ACER3: variants seen among roughly 807,000 people sequenced by gnomAD.
The protein encoded by ACER3 is alkaline ceramidase 3.
A neutral mutation model predicts 48.9 loss-of-function variants in ACER3; 16 were observed. The observed-to-expected ratio is 0.33, with a 90% confidence interval of 0.22 to 0.50. ACER3 has a LOEUF of 0.50. Ranked by LOEUF, ACER3 falls within the 20% of genes least tolerant of loss-of-function variation. ACER3 has a pLI of 0.98. For missense variants in ACER3, 227 were observed against 326.0 expected (o/e 0.70, Z 2.34); for synonymous variants, 109 against 107.8 (o/e 1.01, Z -0.07).
intron 7 of ACER3, among the ~76,000 whole-genome samples, chr11:77,014,444 A>G (rs1300573270): frequency 6.6e-6 from 1 of 152,230 alleles, no homozygotes; most frequent in East Asian, 1.9e-4. Flanking sequence ...AATGCTTACA[A>G]CAATGCCTGG....
rs61767069 is a variant in ACER3 at position 77,024,272 on chromosome 11, C to CAAAAAAAAAAAAAAAAAAAAAAAAAAAAA, written c.*3946_*3974dup. ...TGGGCAACAGAGTGAGACCCTGTCT[C>CAAAAAAAAAAAAAAAAAAAAAAAAAAAAA]AAAAAAAAAAAAAAAAAAAAAAAAA... is the stretch of plus-strand genomic sequence containing the variant. On this transcript the variant is annotated 3_prime_UTR_variant, in exon 11 of 11. Coordinates refer to ENST00000532485, the MANE Select transcript of ACER3 (RefSeq NM_018367.7). 2 of 53,902 alleles carry CAAAAAAAAAAAAAAAAAAAAAAAAAAAAA rather than the reference C, an allele frequency of 3.7e-5. 1 individual carries two copies. 3.3% of individuals were successfully genotyped at this position (53,902 alleles called of 1,614,324 possible).
At chr11:76,943,708 A>G (rs2134937128) in intron 2 of ACER3, among the ~76,000 whole-genome samples, 1 of 150,876 alleles carries the variant, frequency 6.6e-6, no homozygotes. Context: ...TGCTAATTTT[A>G]TCTTGATGAT....
intron 3 of ACER3, among the ~76,000 whole-genome samples, chr11:76,967,167 A>C (rs923941819): frequency 8.5e-5 from 13 of 152,196 alleles, no homozygotes; most frequent in African/African-American, 3.1e-4. Context: ...CCATCAGAGA[A>C]TACTATAAAC....
intron 3 of ACER3, among the ~76,000 whole-genome samples, chr11:76,975,578 A>G (rs1398051572): frequency 6.6e-6 from 1 of 152,184 alleles, no homozygotes; most frequent in African/African-American, 2.4e-5. Flanking sequence ...GGAAGGATGG[A>G]AATGCAAAAG....
intron 1 of ACER3, among the ~76,000 whole-genome samples, chr11:76,919,276 C>T (rs1032799202): frequency 6.6e-6 from 1 of 152,166 alleles, no homozygotes. Flanking sequence ...ACACTGGCTC[C>T]ACCTACTGTC....
intron 6 of ACER3, chr11:76,998,444 C>CTAAAGAGAAGAGAGGAGA: frequency 2.8e-5 from 8 of 289,746 alleles, no homozygotes; most frequent in South Asian, 1.6e-4. Flanking sequence ...AAGAGAGGAG[C>CTAAAGAGAAGAGAGGAGA]TAAAGATTAT....
intron 1 of ACER3, among the ~76,000 whole-genome samples, chr11:76,865,277 G>T (rs1945049304): frequency 6.6e-6 from 1 of 151,786 alleles, no homozygotes; most frequent in Non-Finnish European, 1.5e-5. Flanking sequence ...GAGCCACCAT[G>T]CCCAGCCGGG....
chr11:76,968,059 A>G (rs1234070735), intron 3 of ACER3, among the ~76,000 whole-genome samples: 2 of 152,216 alleles, frequency 1.3e-5, no homozygotes, highest in Non-Finnish European at 2.9e-5. Context: ...TCTCAGCCCA[A>G]AATCTCCTTA....
intron 1 of ACER3, among the ~76,000 whole-genome samples, chr11:76,873,540 C>T (rs1293331569): frequency 1.3e-5 from 2 of 152,078 alleles, no homozygotes; most frequent in Non-Finnish European, 1.5e-5. Context: ...ATTTCAGAAA[C>T]AATTTTCATC....
At chr11:77,000,006 A>G (rs1238399543) in intron 7 of ACER3, among the ~76,000 whole-genome samples, 1 of 152,164 alleles carries the variant, frequency 6.6e-6, no homozygotes. Context: ...GTAGTAATTT[A>G]TGTTTAGTTT....
intron 2 of ACER3, among the ~76,000 whole-genome samples, chr11:76,935,735 C>T (rs1947160484): frequency 6.6e-6 from 1 of 152,212 alleles, no homozygotes. Flanking sequence ...TCTACTATTA[C>T]TGCACTGTTC....
In ACER3 at chr11:76,877,448, A is replaced by G. The variant is rs539171960; in HGVS notation, c.103+16369A>G. Among the ~76,000 whole-genome samples, 4 of 152,286 alleles carry G rather than the reference A, an allele frequency of 2.6e-5. No homozygotes were observed. The East Asian group carries it at 7.7e-4, about 29-fold the overall frequency. On this transcript the variant is annotated intron_variant, in intron 1 of 10. Coordinates refer to ENST00000532485, the MANE Select transcript of ACER3 (RefSeq NM_018367.7). ...ATGATAAGGAGAGATTCTAGATAAG[A>G]TACTTTTCCTGAAATGAAACATTAT...
At chr11:76,968,405 C>T (rs1948197328) in intron 3 of ACER3, among the ~76,000 whole-genome samples, 1 of 152,178 alleles carries the variant, frequency 6.6e-6, no homozygotes, top group South Asian at 2.1e-4. Context: ...CCCCATCAAG[C>T]TACCAATGAC....
At chr11:76,884,386 C>G (rs191658951) in intron 1 of ACER3, among the ~76,000 whole-genome samples, 1 of 152,248 alleles carries the variant, frequency 6.6e-6, no homozygotes, top group African/African-American at 2.4e-5. Flanking sequence ...AGCATTTGCC[C>G]TCTTTTATGC....
At chr11:76,980,541 A>G (rs1028495468) in intron 4 of ACER3, among the ~76,000 whole-genome samples, 5 of 152,056 alleles carry the variant, frequency 3.3e-5, no homozygotes, top group African/African-American at 1.2e-4. Flanking sequence ...AGCTTGCATG[A>G]TGGTGCACAC....
At position 77,020,490 on chromosome 11, in the gene ACER3, G is replaced by A. The variant is rs915750853; in HGVS notation, c.*163G>A. 2.9e-6 allele frequency: 2 copies of A among 695,222 alleles called. No homozygotes were observed. The highest frequency in any genetic ancestry group is 2.4e-6 in the Non-Finnish European group (1 of 424,896). The allele number at this position is 695,222 out of a possible 1,614,324, so 43.1% of individuals were successfully genotyped here. A position where few individuals can be genotyped will look rare whatever the true frequency, so the allele number is the denominator to read the frequency against. ...ACCCACACAGAGAATAAGGAGTAGG[G>A]CCTGCTGGGTGTTTAGCTCATGGCT... On this transcript the variant is annotated 3_prime_UTR_variant, in exon 11 of 11. Coordinates refer to ENST00000532485, the MANE Select transcript of ACER3 (RefSeq NM_018367.7).
chr11:76,951,249 G>T (rs764180489), intron 2 of ACER3, among the ~76,000 whole-genome samples: 2 of 152,082 alleles, frequency 1.3e-5, no homozygotes, highest in Non-Finnish European at 2.9e-5. Context: ...TGCTAACTTT[G>T]GTGGGATATT....
At chr11:76,946,137 G>A (rs995003952) in intron 2 of ACER3, among the ~76,000 whole-genome samples, 4 of 152,230 alleles carry the variant, frequency 2.6e-5, no homozygotes, top group Non-Finnish European at 5.9e-5. Context: ...ACAGCAGTCT[G>A]TAGCAGAGCA....
chr11:76,863,228 A>C lies in ACER3; in HGVS notation c.103+2149A>C, dbSNP rs150029164. On this transcript the variant is annotated intron_variant, in intron 1 of 10. Coordinates refer to ENST00000532485, the MANE Select transcript of ACER3 (RefSeq NM_018367.7). ...GGCAAGAGTTAGACCCTATTTCTAC[A>C]AAAAAAATATAAAAAATGCAAAGAG... Among the ~76,000 whole-genome samples the C allele has an allele frequency of 3.8e-3, 582 of 151,972 alleles. 7 individuals carry two copies. Among genetic ancestry groups the C allele is most frequent in the African/African-American group, 0.013 (554 of 41,508 alleles).
Sources: gnomAD v4.1 joint callset for allele counts (sites outside exome capture counted in the v4.1 genomes callset) on GRCh38, gnomAD v4.1.1 for gene constraint, MANE v1.5 for transcripts, NCBI Gene and HGNC (gene_info 2026-07-23, HGNC 2026-07-21) for gene names.